The following KCNQ3 variants were observed in gnomAD, a reference collection of about 807,000 sequenced individuals.
KCNQ3 encodes potassium voltage-gated channel subfamily Q member 3.
In KCNQ3, 30 loss-of-function variants were observed where a neutral mutation model predicts 92.5. The observed-to-expected ratio is 0.32, with a 90% CI of 0.24 to 0.44. KCNQ3 has a LOEUF of 0.44. Ranked by LOEUF, KCNQ3 falls within the 20% of genes least tolerant of loss-of-function variation. KCNQ3 has a pLI of 1.00. For synonymous variants in KCNQ3, 450 were observed against 468.8 expected, an observed-to-expected ratio of 0.96 and a Z score of 0.52; for missense variants, 913 against 1,140.3, an observed-to-expected ratio of 0.80 and a Z score of 2.87.
chr8:132,373,027 TG>T (rs1434873581), intron 1 of KCNQ3, among the ~76,000 whole-genome samples: 1 of 152,182 alleles, frequency 6.6e-6, no homozygotes, highest in African/African-American at 2.4e-5. Context: ...AGAATTGCCA[TG>T]GCCTCAGTCC....
rs1822539045 is a variant in KCNQ3, at chr8:132,480,660, G to C, written c.-128C>G. ...GGAACTCCAATGCCATGATCCGCGCGCCCCTCCCCACCCCCCCCCAAAAGC... is the reference window on the plus strand; with the variant it reads ...GGAACTCCAATGCCATGATCCGCGCCCCCCTCCCCACCCCCCCCCAAAAGC... On this transcript the variant is annotated 5_prime_UTR_variant, in exon 1 of 15. Transcript: ENST00000388996. 4 of 966,164 alleles carry C rather than the reference G, an allele frequency of 4.1e-6. No homozygotes were observed. The highest frequency in any genetic ancestry group is 3.0e-5 in the South Asian group (1 of 33,188). The allele number at this position is 966,164 out of a possible 1,614,324, so 59.8% of individuals were successfully genotyped here.
intron 9 of KCNQ3, among the ~76,000 whole-genome samples, chr8:132,162,102 C>A (rs1044432436): frequency 2.0e-5 from 3 of 152,116 alleles, no homozygotes; most frequent in Non-Finnish European, 4.4e-5. Context: ...TTGAAAGGGA[C>A]ATGAGCAAGT....
At chr8:132,254,004 G>A (rs1815496415) in intron 1 of KCNQ3, among the ~76,000 whole-genome samples, 2 of 152,232 alleles carry the variant, frequency 1.3e-5, no homozygotes, top group African/African-American at 4.8e-5. Flanking sequence ...TTAAGAAGAT[G>A]TAGGAGGTGG....
Position 132,129,142 on chromosome 8 carries a change from C to G in KCNQ3, c.*120G>C, listed in dbSNP as rs867424789. 19 of 1,244,596 alleles carry G rather than the reference C, an allele frequency of 1.5e-5. No homozygotes were observed. In the African/African-American group the frequency reaches 1.8e-4, roughly 12 times the overall value. The allele number at this position is 1,244,596 out of a possible 1,614,324, so 77.1% of individuals were successfully genotyped here. A position where few individuals can be genotyped will look rare whatever the true frequency, so the allele number is the denominator to read the frequency against. On this transcript the variant is annotated 3_prime_UTR_variant, in exon 15 of 15. Transcript: ENST00000388996. This position sits in a 1 kb window ranked among gnomAD's most constrained non-coding sequence, Gnocchi z 5.9. ...AGCCCCTGCCTGGGTGGGGCCACCA[C>G]GCACACGCATGCATTTGATGCAGCC... is the stretch of plus-strand genomic sequence containing the variant.
At chr8:132,219,316 G>C (rs1374843559) in intron 1 of KCNQ3, among the ~76,000 whole-genome samples, 1 of 152,066 alleles carries the variant, frequency 6.6e-6, no homozygotes, top group African/African-American at 2.4e-5. Flanking sequence ...CCCTGCACAC[G>C]CTGCCTTATT....
intron 1 of KCNQ3, chr8:132,186,464 C>A: frequency 2.5e-6 from 1 of 406,908 alleles, no homozygotes; most frequent in Non-Finnish European, 4.7e-6. Flanking sequence ...ACTAGATCAT[C>A]TGGTTCCAAC....
intron 1 of KCNQ3, among the ~76,000 whole-genome samples, chr8:132,189,694 T>G (rs2130207488): frequency 6.6e-6 from 1 of 151,536 alleles, no homozygotes. Context: ...GGCATGGTGG[T>G]GCATGCCTGT....
chr8:132,307,226 G>T (rs1817453522), intron 1 of KCNQ3, among the ~76,000 whole-genome samples: 1 of 152,158 alleles, frequency 6.6e-6, no homozygotes, highest in South Asian at 2.1e-4. Context: ...AACTGTGCAG[G>T]ACCTGTGTTC....
At chr8:132,276,766 C>G (rs1816345311) in intron 1 of KCNQ3, among the ~76,000 whole-genome samples, 1 of 152,186 alleles carries the variant, frequency 6.6e-6, no homozygotes, top group South Asian at 2.1e-4. Flanking sequence ...GCAGAAGCAA[C>G]TGAGTCTCCA....
intron 1 of KCNQ3, among the ~76,000 whole-genome samples, chr8:132,291,223 G>T (rs1217567148): frequency 6.6e-6 from 1 of 152,200 alleles, no homozygotes; most frequent in Admixed American, 6.5e-5. Context: ...ACACCTAGTG[G>T]CTGAACAATA....
At chr8:132,242,614 T>A (rs1370878804) in intron 1 of KCNQ3, among the ~76,000 whole-genome samples, 1 of 152,196 alleles carries the variant, frequency 6.6e-6, no homozygotes, top group African/African-American at 2.4e-5. Context: ...GAACCTAAAT[T>A]CATAGATACA....
chr8:132,217,784 G>A (rs1814091356), intron 1 of KCNQ3, among the ~76,000 whole-genome samples: 1 of 150,472 alleles, frequency 6.6e-6, no homozygotes, highest in Non-Finnish European at 1.5e-5. Context: ...GCATTTTGAT[G>A]ACTTTCCAGC....
chr8:132,229,260 CAAA>C (rs377431481), intron 1 of KCNQ3, among the ~76,000 whole-genome samples: 66 of 118,890 alleles, frequency 5.6e-4, no homozygotes, highest in Admixed American at 7.6e-4. Context: ...GACTCCGTCT[CAAA>C]AAAAAAAAAA....
chr8:132,187,156 T>C lies in KCNQ3; in HGVS notation c.387-975A>G, dbSNP rs554183995. Reference sequence around the variant, plus strand: ...TGGTAGTACATACTCTAAGCTCTCCTACTCCAGGTACTCTGGTTTTCTACT... The same window carrying C: ...TGGTAGTACATACTCTAAGCTCTCCCACTCCAGGTACTCTGGTTTTCTACT... On this transcript the variant is annotated intron_variant, in intron 1 of 14. Transcript: ENST00000388996. 3.3e-5 allele frequency: 15 copies of C among 456,098 alleles called. No homozygotes were observed. In the East Asian group the frequency reaches 1.0e-3, roughly 32 times the overall value. 28.3% of individuals were successfully genotyped at this position (456,098 alleles called of 1,614,324 possible).
chr8:132,459,056 T>C (rs572057653), intron 1 of KCNQ3, among the ~76,000 whole-genome samples: 1 of 152,322 alleles, frequency 6.6e-6, no homozygotes, highest in East Asian at 1.9e-4. Context: ...TTGTTTTAGA[T>C]GACCTTGATA....
rs528032864 is a variant in KCNQ3, at chr8:132,175,382, T to C, written c.933+71A>G. ...AGCTGCCTGGCTGAACATGCTCATG[T>C]GATGCCCTCCACCTCTCTCTGACTC... On this transcript the variant is annotated intron_variant, in intron 5 of 14. Transcript: ENST00000388996. 956 of 1,538,738 alleles carry C rather than the reference T, an allele frequency of 6.2e-4. 22 individuals are homozygous for C. The South Asian group carries it at 0.01, about 16-fold the overall frequency.
At chr8:132,215,932 A>C (rs973676962) in intron 1 of KCNQ3, among the ~76,000 whole-genome samples, 1 of 152,186 alleles carries the variant, frequency 6.6e-6, no homozygotes, top group African/African-American at 2.4e-5. Flanking sequence ...GCCTCATCTT[A>C]TAGTCCAGTT....
intron 1 of KCNQ3, among the ~76,000 whole-genome samples, chr8:132,313,965 A>C (rs1055257103): frequency 1.3e-5 from 2 of 152,200 alleles, no homozygotes; most frequent in African/African-American, 4.8e-5. Flanking sequence ...TGAACAGATA[A>C]GGAAAGTTAA....
At chr8:132,439,927 C>G (rs1291502045) in intron 1 of KCNQ3, among the ~76,000 whole-genome samples, 1 of 152,142 alleles carries the variant, frequency 6.6e-6, no homozygotes. Flanking sequence ...CCTTCAGTGT[C>G]CATAGAGGAT....
Sources: gnomAD v4.1 joint callset for allele counts (sites outside exome capture counted in the v4.1 genomes callset) on GRCh38, gnomAD v4.1.1 for gene constraint, Gnocchi (gnomAD v3.1) non-coding constraint, MANE v1.5 for transcripts, NCBI Gene and HGNC (gene_info 2026-07-23, HGNC 2026-07-21) for gene names.